The following SLC39A11 variants were observed in gnomAD, a reference collection of about 807,000 sequenced individuals.
SLC39A11 encodes solute carrier family 39 member 11, also known as zinc transporter ZIP11.
In SLC39A11, 33 loss-of-function variants were observed where a neutral mutation model predicts 36.1. The ratio of observed to expected loss-of-function variants is 0.91; its 90% CI spans 0.69 to 1.22. The LOEUF is 1.22. Ranked by LOEUF, SLC39A11 falls within the 50% of genes most tolerant of loss-of-function variation. The pLI is 0.00. For missense variants in SLC39A11, 432 were observed against 430.3 expected, an observed-to-expected ratio of 1.00 and a Z score of -0.03; for synonymous variants, 166 against 170.3, an observed-to-expected ratio of 0.97 and a Z score of 0.20.
At chr17:72,701,508 A>G (rs1281570130) in intron 7 of SLC39A11, among the ~76,000 whole-genome samples, 1 of 152,066 alleles carries the variant, frequency 6.6e-6, no homozygotes, top group African/African-American at 2.4e-5. Flanking sequence ...GTGGGCAGAT[A>G]CCTGAGGTCA....
intron 5 of SLC39A11, among the ~76,000 whole-genome samples, chr17:72,900,024 G>GAGAGAGAGAGAA (rs1366393534): frequency 5.1e-5 from 7 of 136,924 alleles, no homozygotes; most frequent in Non-Finnish European, 9.2e-5. Context: ...GAGAGAAAGA[G>GAGAGAGAGAGAA]AGAGAGAGAG....
At chr17:72,888,440 T>C (rs184233387) in intron 5 of SLC39A11, among the ~76,000 whole-genome samples, 256 of 152,270 alleles carry the variant, frequency 1.7e-3, no homozygotes, top group African/African-American at 5.8e-3. Flanking sequence ...GGGTTAGTGG[T>C]TGATTGTCAA....
At position 73,007,284 on chromosome 17, in the gene SLC39A11, G is replaced by A. The variant is rs566390404; in HGVS notation, c.306+24272C>T. 5.3e-5 allele frequency among the ~76,000 whole-genome samples: 8 copies of A among 152,272 alleles called. 1 individual carries two copies. The South Asian group carries it at 1.5e-3, about 28-fold the overall frequency. ...AAAATCACAAAAATTAGCCAGGCGT[G>A]GTGGCACATGCCTATAATCCCAGCT... On this transcript the variant is annotated intron_variant, in intron 4 of 9. Transcript: ENST00000255559.
At chr17:72,669,901 T>TATATACACGTATAGATGTATATACAC (rs1567926800) in intron 7 of SLC39A11, among the ~76,000 whole-genome samples, 3 of 150,054 alleles carry the variant, frequency 2.0e-5, no homozygotes, top group African/African-American at 7.5e-5. Context: ...TATATACACA[T>TATATACACGTATAGATGTATATACAC]ATATATACGT....
chr17:72,802,181 C>A (rs1034929994), intron 6 of SLC39A11, among the ~76,000 whole-genome samples: 1 of 152,124 alleles, frequency 6.6e-6, no homozygotes, highest in Non-Finnish European at 1.5e-5. Flanking sequence ...CACCCAGACA[C>A]GTTTCTTGGC....
intron 4 of SLC39A11, among the ~76,000 whole-genome samples, chr17:72,991,820 T>C (rs1209758557): frequency 6.6e-6 from 1 of 152,226 alleles, no homozygotes; most frequent in African/African-American, 2.4e-5. Flanking sequence ...GTTCCCTGTG[T>C]ACATTCGCAA....
At chr17:72,807,681 G>A (rs1000469055) in intron 6 of SLC39A11, among the ~76,000 whole-genome samples, 3 of 152,130 alleles carry the variant, frequency 2.0e-5, no homozygotes, top group Admixed American at 2.0e-4. Context: ...GGCCTGGAGA[G>A]GAAATGGAAG....
chr17:72,824,537 C>T (rs1425247045), intron 6 of SLC39A11, among the ~76,000 whole-genome samples: 1 of 151,160 alleles, frequency 6.6e-6, no homozygotes, highest in Non-Finnish European at 1.5e-5. Flanking sequence ...GGGTAAAAGG[C>T]AGAGGTTGGA....
chr17:72,836,083 G>T (rs886307101), intron 6 of SLC39A11, among the ~76,000 whole-genome samples: 1 of 152,172 alleles, frequency 6.6e-6, no homozygotes, highest in African/African-American at 2.4e-5. Flanking sequence ...TCCTGCCCAG[G>T]TTTCCCTGCC....
intron 7 of SLC39A11, among the ~76,000 whole-genome samples, chr17:72,682,040 C>T (rs2071530938): frequency 6.6e-6 from 1 of 152,018 alleles, no homozygotes; most frequent in Non-Finnish European, 1.5e-5. Context: ...GCTCCGCCTC[C>T]CATCAGATCA....
chr17:73,090,193 T>C (rs562289926), intron 1 of SLC39A11, among the ~76,000 whole-genome samples: 4 of 152,242 alleles, frequency 2.6e-5, no homozygotes, highest in South Asian at 4.1e-4. Context: ...TGGCAGAGTG[T>C]GGACGCAGCC....
intron 6 of SLC39A11, among the ~76,000 whole-genome samples, chr17:72,759,088 G>A (rs1003199438): frequency 9.7e-5 from 13 of 133,526 alleles, no homozygotes; most frequent in African/African-American, 3.8e-4. Context: ...GCAACAGAGT[G>A]AGATTTCATC....
chr17:72,800,894 A>G (rs933286176), intron 6 of SLC39A11, among the ~76,000 whole-genome samples: 1 of 152,236 alleles, frequency 6.6e-6, no homozygotes, highest in African/African-American at 2.4e-5. Flanking sequence ...GTGAGGTACC[A>G]TAATTATTAG....
At chr17:72,858,384 T>C (rs115743738) in intron 5 of SLC39A11, among the ~76,000 whole-genome samples, 3,821 of 152,336 alleles carry the variant, frequency 0.025, 147 homozygotes, top group African/African-American at 0.084. Context: ...TGTAGTCCTA[T>C]GGTATAGTTT....
chr17:73,045,479 G>C (rs993953438), intron 3 of SLC39A11, among the ~76,000 whole-genome samples: 2 of 145,076 alleles, frequency 1.4e-5, no homozygotes, highest in Non-Finnish European at 3.0e-5. Context: ...GTGCAACTCA[G>C]CTCAGCCAAC....
intron 5 of SLC39A11, among the ~76,000 whole-genome samples, chr17:72,877,801 TTTTTTA>T (rs1179267149): frequency 6.6e-6 from 1 of 151,706 alleles, no homozygotes; most frequent in Admixed American, 6.6e-5. Context: ...TCATTTTTAT[TTTTTTA>T]TTTTTATTTA....
intron 4 of SLC39A11, among the ~76,000 whole-genome samples, chr17:72,960,026 G>A (rs894160954): frequency 2.0e-5 from 3 of 152,104 alleles, no homozygotes; most frequent in African/African-American, 7.2e-5. Flanking sequence ...TAAAGAACAG[G>A]GTTTTGTTTA....
At chr17:72,736,592 C>A (rs2074439063) in intron 7 of SLC39A11, 58 bp downstream of exon 7, 20 of 1,463,520 alleles carry the variant, frequency 1.4e-5, no homozygotes, top group Non-Finnish European at 1.8e-5. Flanking sequence ...GTGACACGCA[C>A]ACCCAGAGCA....
intron 7 of SLC39A11, among the ~76,000 whole-genome samples, chr17:72,685,057 C>T (rs1234660958): frequency 6.6e-6 from 1 of 152,206 alleles, no homozygotes; most frequent in Non-Finnish European, 1.5e-5. Context: ...CGATTCAACT[C>T]CACTGAGTAG....
Sources: gnomAD v4.1 joint callset for allele counts (sites outside exome capture counted in the v4.1 genomes callset) on GRCh38, gnomAD v4.1.1 for gene constraint, MANE v1.5 for transcripts, NCBI Gene and HGNC (gene_info 2026-07-23, HGNC 2026-07-21) for gene names.